The following PEX5L variants were observed in gnomAD, a reference collection of about 807,000 sequenced individuals.
PEX5L encodes the protein PEX5-related protein.
Under a neutral mutation model 84.0 loss-of-function variants are expected in PEX5L, and 30 were observed. The ratio of observed to expected loss-of-function variants is 0.36; its 90% CI spans 0.27 to 0.48. PEX5L has a LOEUF of 0.48. Among genes scored for constraint, PEX5L ranks in the 20% least tolerant of loss-of-function variants. The probability of loss-of-function intolerance (pLI) is 0.99; values close to 1 mark genes in which losing one functional copy is unlikely to be tolerated. For missense variants in PEX5L, 533 were observed against 754.6 expected (o/e 0.71, Z 3.44); for synonymous variants, 270 against 283.1 (o/e 0.95, Z 0.46).
At chr3:179,923,426 G>A (rs1038323814) in intron 2 of PEX5L, among the ~76,000 whole-genome samples, 1 of 151,984 alleles carries the variant, frequency 6.6e-6, no homozygotes, top group African/African-American at 2.4e-5. Flanking sequence ...AAAATTGGTA[G>A]AAGTTTCTCA....
At chr3:179,903,127 C>T (rs1432367625) in intron 2 of PEX5L, among the ~76,000 whole-genome samples, 2 of 152,000 alleles carry the variant, frequency 1.3e-5, no homozygotes, top group Non-Finnish European at 2.9e-5. Context: ...AAAGAATAGA[C>T]CTATTAAGAT....
At chr3:179,901,925 G>A (rs979517718) in intron 2 of PEX5L, 10 of 152,130 alleles carry the variant, frequency 6.6e-5, no homozygotes, top group African/African-American at 2.4e-4. Context: ...TTAAAATACA[G>A]AACATAAGAA....
chr3:179,987,277 T>C (rs4855132), intron 1 of PEX5L, among the ~76,000 whole-genome samples: 59,164 of 149,358 alleles, frequency 0.4, 12,403 homozygotes, highest in African/African-American at 0.55. Context: ...TCTTCCTTCC[T>C]TCCTCCTTCA....
intron 3 of PEX5L, among the ~76,000 whole-genome samples, chr3:179,892,359 T>A (rs940220043): frequency 4.6e-5 from 7 of 152,164 alleles, no homozygotes; most frequent in Non-Finnish European, 8.8e-5. Context: ...ATTGAGTGCC[T>A]CTTTATAGCA....
chr3:179,890,594 T>C (rs1174020185), intron 3 of PEX5L, among the ~76,000 whole-genome samples: 4 of 152,216 alleles, frequency 2.6e-5, no homozygotes, highest in East Asian at 1.9e-4. Context: ...ATCAACGTTA[T>C]GTAGGTAAGT....
chr3:179,981,757 C>G (rs555450424), intron 1 of PEX5L, among the ~76,000 whole-genome samples: 9 of 151,902 alleles, frequency 5.9e-5, no homozygotes, highest in South Asian at 2.1e-4. Flanking sequence ...GCATATTTTT[C>G]CATTCTGTAA....
At position 180,036,650 on chromosome 3, in the gene PEX5L, C is replaced by G; in HGVS notation, c.-51G>C. 1 of 1,607,840 alleles carries G rather than the reference C, an allele frequency of 6.2e-7. No homozygotes were observed. Among genetic ancestry groups the G allele is most frequent in the Non-Finnish European group, 8.5e-7 (1 of 1,174,322 alleles). On this transcript the variant is annotated 5_prime_UTR_variant, in exon 1 of 15. Coordinates refer to ENST00000467460, the MANE Select transcript of PEX5L (RefSeq NM_016559.3). ...CTGAGGCCACCGGATGCTTTTCCCC[C>G]GTGCTTACTTGCCCACCAAAAGAGG...
At chr3:179,954,113 C>T (rs1779837214) in intron 2 of PEX5L, among the ~76,000 whole-genome samples, 1 of 151,254 alleles carries the variant, frequency 6.6e-6, no homozygotes, top group South Asian at 2.1e-4. Context: ...TTCTTAAGGT[C>T]CAGAGATTTC....
intron 2 of PEX5L, among the ~76,000 whole-genome samples, chr3:179,912,329 A>G (rs145830502): frequency 1.5e-4 from 23 of 152,222 alleles, no homozygotes; most frequent in African/African-American, 5.1e-4. Flanking sequence ...TTTAAAAGTG[A>G]TTTGGCCTGA....
Position 180,027,272 on chromosome 3 carries a change from C to T in PEX5L, c.21+9307G>A, listed in dbSNP as rs150743541. 4.0e-3 allele frequency among the ~76,000 whole-genome samples: 603 copies of T among 152,324 alleles called. 4 individuals carry two copies. The highest frequency in any genetic ancestry group is 0.014 in the African/African-American group (579 of 41,572). ...CTTGGGCTCTGCCCCTGCCTGTTCC[C>T]TGGACCCTTCACCCCTAGCCTAGAT... On this transcript the variant is annotated intron_variant, in intron 1 of 14. Coordinates refer to ENST00000467460, the MANE Select transcript of PEX5L (RefSeq NM_016559.3).
intron 8 of PEX5L, among the ~76,000 whole-genome samples, chr3:179,847,988 A>G (rs1357670378): frequency 1.3e-5 from 2 of 150,966 alleles, no homozygotes; most frequent in African/African-American, 4.9e-5. Flanking sequence ...TTTTTTAAAT[A>G]AAAACCAGAA....
chr3:179,842,461 G>A (rs966565379), intron 8 of PEX5L, among the ~76,000 whole-genome samples: 3 of 152,154 alleles, frequency 2.0e-5, no homozygotes, highest in Non-Finnish European at 2.9e-5. Flanking sequence ...TTATGTTTAT[G>A]TCATTCATCC....
At chr3:179,922,329 G>A (rs905521761) in intron 2 of PEX5L, among the ~76,000 whole-genome samples, 1 of 152,148 alleles carries the variant, frequency 6.6e-6, no homozygotes, top group Admixed American at 6.5e-5. Context: ...AAGATGCTAC[G>A]GGAAGAGACA....
rs574258544 is a variant in PEX5L at position 179,837,500 on chromosome 3, T to C, written c.823-17524A>G. ...CTTCTGTGAATAACTTGATGAAGCA[T>C]TGGATCCATTATGTCATCATGCCAT... is the stretch of plus-strand genomic sequence containing the variant. On this transcript the variant is annotated intron_variant, in intron 8 of 14. Transcript: ENST00000467460. Among the ~76,000 whole-genome samples the C allele has an allele frequency of 6.6e-5, 10 of 152,324 alleles. No individual in the cohort carries two copies. The South Asian group carries it at 1.7e-3, about 25-fold the overall frequency.
At chr3:179,950,932 G>A (rs1362903394) in intron 2 of PEX5L, among the ~76,000 whole-genome samples, 1 of 152,194 alleles carries the variant, frequency 6.6e-6, no homozygotes, top group African/African-American at 2.4e-5. Flanking sequence ...CATATGTGTG[G>A]TGCCCAATGG....
Position 179,795,356 on chromosome 3 carries a change from A to C in PEX5L, c.*6472T>G, listed in dbSNP as rs1716513887. ...AATAATAGTACAAAAATACTACCTT[A>C]ATCTTGTTACGCAAATTAGAAGCCA... On this transcript the variant is annotated 3_prime_UTR_variant, in exon 15 of 15. Coordinates refer to ENST00000467460, the MANE Select transcript of PEX5L (RefSeq NM_016559.3). The C allele has an allele frequency of 6.6e-6, 1 of 152,234 alleles. No individual in the cohort carries two copies. The highest frequency in any genetic ancestry group is 1.5e-5 in the Non-Finnish European group (1 of 68,040). The allele number at this position is 152,234 out of a possible 1,614,324, so 9.4% of individuals were successfully genotyped here. A position where few individuals can be genotyped will look rare whatever the true frequency, so the allele number is the denominator to read the frequency against.
At chr3:179,858,964 T>A (rs1341169346) in intron 8 of PEX5L, 98 bp downstream of exon 8, 5 of 741,536 alleles carry the variant, frequency 6.7e-6, no homozygotes, top group Non-Finnish European at 9.8e-6. Context: ...ATGTCTATAA[T>A]GTAAGACCCA....
chr3:179,892,106 C>T (rs1365611002), intron 3 of PEX5L, among the ~76,000 whole-genome samples: 1 of 152,072 alleles, frequency 6.6e-6, no homozygotes, highest in Non-Finnish European at 1.5e-5. Context: ...CTGAGGTGAA[C>T]TGATTGCAAT....
rs1178311560 is a variant in PEX5L at position 179,813,944 on chromosome 3, G to A, written c.1083+1917C>T. ...ACCCGCCTCGGCCTCCCAAAGTGCT[G>A]GGATTACAGGCGTGAGCCACCGCGC... On this transcript the variant is annotated intron_variant, in intron 10 of 14. Coordinates refer to ENST00000467460, the MANE Select transcript of PEX5L (RefSeq NM_016559.3). 2.0e-5 allele frequency among the ~76,000 whole-genome samples: 3 copies of A among 151,396 alleles called. No individual in the cohort carries two copies. In the South Asian group the frequency reaches 6.2e-4, roughly 32 times the overall value.
Sources: gnomAD v4.1 joint callset for allele counts (sites outside exome capture counted in the v4.1 genomes callset) on GRCh38, gnomAD v4.1.1 for gene constraint, MANE v1.5 for transcripts, NCBI Gene and HGNC (gene_info 2026-07-23, HGNC 2026-07-21) for gene names.